The following CCNJ variants were observed in gnomAD, a reference collection of about 807,000 sequenced individuals.
CCNJ encodes the protein cyclin-J.
In CCNJ, 12 loss-of-function variants were observed where a neutral mutation model predicts 41.4. The observed-to-expected ratio is 0.29, with a 90% confidence interval of 0.19 to 0.47. The LOEUF (loss-of-function observed/expected upper bound fraction) is 0.47. CCNJ is among the 20% of genes least tolerant of loss of function. CCNJ has a pLI of 1.00. For synonymous variants in CCNJ, 161 were observed against 173.4 expected (o/e 0.93, Z 0.56); for missense variants, 340 against 464.6 (o/e 0.73, Z 2.47).
At chr10:96,054,594 A>G (rs1378947788) in intron 3 of CCNJ, among the ~76,000 whole-genome samples, 2 of 152,214 alleles carry the variant, frequency 1.3e-5, no homozygotes, top group African/African-American at 4.8e-5. Flanking sequence ...ATGCTTAATA[A>G]TACAGAAATC....
At chr10:96,057,533 T>TCC (rs2080726061) in intron 5 of CCNJ, among the ~76,000 whole-genome samples, 1 of 152,180 alleles carries the variant, frequency 6.6e-6, no homozygotes, top group African/African-American at 2.4e-5. Context: ...CCTAACATCA[T>TCC]TGAATTTTGG....
intron 3 of CCNJ, among the ~76,000 whole-genome samples, chr10:96,051,672 T>C (rs1389197505): frequency 6.6e-6 from 1 of 152,208 alleles, no homozygotes; most frequent in Non-Finnish European, 1.5e-5. Flanking sequence ...CAGAGTTCTT[T>C]AGCACTTCTG....
At chr10:96,049,968 G>C (rs2080477633) in intron 2 of CCNJ, among the ~76,000 whole-genome samples, 2 of 152,136 alleles carry the variant, frequency 1.3e-5, no homozygotes, top group Admixed American at 6.5e-5. Context: ...AGGGAAAACA[G>C]GATTCTCTTA....
At chr10:96,056,505 GGATTGGGGAAA>G (rs1399311208) in intron 3 of CCNJ, among the ~76,000 whole-genome samples, 185 bp from the exon 4 acceptor site, 1 of 151,872 alleles carries the variant, frequency 6.6e-6, no homozygotes, top group Non-Finnish European at 1.5e-5. Context: ...TTTTTTTAGG[GGATTGGGGAAA>G]GGTTGGGGAT....
intron 2 of CCNJ, among the ~76,000 whole-genome samples, chr10:96,047,464 A>G (rs2080395791): frequency 6.6e-6 from 1 of 152,168 alleles, no homozygotes; most frequent in East Asian, 1.9e-4. Context: ...CCTGGGCAAC[A>G]TAGCGAGACC....
At chr10:96,053,990 C>T (rs560090769) in intron 3 of CCNJ, among the ~76,000 whole-genome samples, 24 of 152,268 alleles carry the variant, frequency 1.6e-4, no homozygotes, top group African/African-American at 5.8e-4. Context: ...TGGCAGAGCA[C>T]TCGGTGACAT....
rs548322746 is a variant in CCNJ at position 96,060,209 on chromosome 10, T to C, written c.*1968T>C. ...AACCTGGAGTCCAATTTTCAGTATTTTAACTACCTCAATAATGCTATGAAT... is the reference window on the plus strand; with the variant it reads ...AACCTGGAGTCCAATTTTCAGTATTCTAACTACCTCAATAATGCTATGAAT... On this transcript the variant is annotated 3_prime_UTR_variant, in exon 6 of 6. Transcript: ENST00000465148. 1.3e-5 allele frequency: 2 copies of C among 152,650 alleles called. No homozygotes were observed. The highest frequency in any genetic ancestry group is 2.9e-5 in the Non-Finnish European group (2 of 68,042). The allele number at this position is 152,650 out of a possible 1,614,324, so 9.5% of individuals were successfully genotyped here. A position where few individuals can be genotyped will look rare whatever the true frequency, so the allele number is the denominator to read the frequency against.
In CCNJ at chr10:96,060,194, C is replaced by T. The variant is rs1224984609; in HGVS notation, c.*1953C>T. On this transcript the variant is annotated 3_prime_UTR_variant, in exon 6 of 6. Coordinates refer to ENST00000465148, the MANE Select transcript of CCNJ (RefSeq NM_001134375.2). The stretch of plus-strand genomic sequence containing the variant: ...CATTCAGAACCCAGCAACCTGGAGT[C>T]CAATTTTCAGTATTTTAACTACCTC... 2 of 152,512 alleles carry T rather than the reference C, an allele frequency of 1.3e-5. No individual in the cohort carries two copies. Among genetic ancestry groups the T allele is most frequent in the African/African-American group, 4.8e-5 (2 of 41,408 alleles). The allele number at this position is 152,512 out of a possible 1,614,324, so 9.4% of individuals were successfully genotyped here.
At chr10:96,043,092 C>CG (rs920863027), upstream of CCNJ, among the ~76,000 whole-genome samples, 1 of 152,146 alleles carries the variant, frequency 6.6e-6, no homozygotes, top group South Asian at 2.1e-4. Flanking sequence ...TGATGATCCA[C>CG]GGAGCAGCCC....
intron 3 of CCNJ, 120 bp downstream of exon 3, chr10:96,050,586 G>GA: frequency 5.5e-6 from 4 of 728,490 alleles, no homozygotes; most frequent in Non-Finnish European, 9.0e-6. Flanking sequence ...CTAGTATCAA[G>GA]AAGCTTATGT....
rs773801258 is a variant in CCNJ at position 96,050,350 on chromosome 10, C to T, written c.164C>T (p.Thr55Ile). ...ATTGCCATTGTGAGCAATCGCTTCA[C>T]ACTCTGCCCTTCTGCCCGCCATCTT... Reference protein sequence around the residue: ...DLIAIVSNRFTLCPSARHLAV... With the variant: ...DLIAIVSNRFILCPSARHLAV... The change falls in exon 3 of 6, where the codon ACA (threonine) becomes ATA (isoleucine). Residue 55 changes from threonine to isoleucine, a missense_variant. Thr to Ile is a moderately conservative substitution (Grantham distance 89). Coordinates refer to ENST00000465148, the MANE Select transcript of CCNJ (RefSeq NM_001134375.2). 8.7e-6 allele frequency: 14 copies of T among 1,614,028 alleles called. No individual in the cohort carries two copies. The South Asian group carries it at 1.5e-4, about 18-fold the overall frequency.
chr10:96,057,192 C>A lies in CCNJ; in HGVS notation c.685C>A (p.Arg229Ser), dbSNP rs201944303. The A allele has an allele frequency of 5.6e-6, 9 of 1,613,578 alleles. No homozygotes were observed. In the South Asian group the frequency reaches 9.9e-5, roughly 18 times the overall value. The change falls in exon 5 of 6, where the codon CGT becomes AGT. Residue 229 changes from arginine to serine, a missense_variant. Arg to Ser is a moderately radical substitution (Grantham distance 110, BLOSUM62 -1). Coordinates refer to ENST00000465148, the MANE Select transcript of CCNJ (RefSeq NM_001134375.2). ...LSPTWPTRLHRLTAYSWDFLV... is the reference protein window; with the variant it reads ...LSPTWPTRLHSLTAYSWDFLV... ...TCCAACGTGGCCTACAAGACTACAT[C>A]GTCTTACTGCCTACTCTTGGGATTT...
chr10:96,043,452 C>A, upstream of CCNJ: 2 of 382,462 alleles, frequency 5.2e-6, no homozygotes, highest in Non-Finnish European at 9.3e-6. Flanking sequence ...TGGCGCTGCA[C>A]CTGGGCCCGG....
chr10:96,050,125 G>A (rs2080482213), intron 2 of CCNJ, 131 bp from the exon 3 acceptor site: 1 of 691,232 alleles, frequency 1.4e-6, no homozygotes, highest in African/African-American at 1.8e-5. Context: ...TTTCATTTTT[G>A]TATTCCAGTC....
rs908752726 is a variant in CCNJ, at chr10:96,060,372, T to C, written c.*2131T>C. The C allele has an allele frequency of 1.2e-4, 19 of 152,634 alleles. No individual in the cohort carries two copies. Among genetic ancestry groups the C allele is most frequent in the African/African-American group, 4.6e-4 (19 of 41,444 alleles). 9.5% of individuals were successfully genotyped at this position (152,634 alleles called of 1,614,324 possible). On this transcript the variant is annotated 3_prime_UTR_variant, in exon 6 of 6. Coordinates refer to ENST00000465148, the MANE Select transcript of CCNJ (RefSeq NM_001134375.2). ...AGAATATGCCTTTTAAAAAAGCTTATTAATAACACTTTCCCAATTTATATT... is the reference window on the plus strand; with the variant it reads ...AGAATATGCCTTTTAAAAAAGCTTACTAATAACACTTTCCCAATTTATATT...
intron 3 of CCNJ, among the ~76,000 whole-genome samples, chr10:96,055,808 C>T (rs1257809829): frequency 6.6e-6 from 1 of 151,952 alleles, no homozygotes; most frequent in Non-Finnish European, 1.5e-5. Flanking sequence ...CCCCTTTTTT[C>T]TTTAACAGAC....
chr10:96,048,321 AAG>A (rs1291258942), intron 2 of CCNJ, among the ~76,000 whole-genome samples: 1 of 152,178 alleles, frequency 6.6e-6, no homozygotes, highest in East Asian at 1.9e-4. Context: ...TGCTAGGTAA[AAG>A]GGTATTTCTG....
intron 3 of CCNJ, among the ~76,000 whole-genome samples, chr10:96,053,277 A>G (rs1257132639): frequency 1.3e-5 from 2 of 151,856 alleles, no homozygotes; most frequent in African/African-American, 2.4e-5. Flanking sequence ...AGCAATATGA[A>G]TTTCAACAAC....
rs2080790656 is a variant in CCNJ at position 96,060,375 on chromosome 10, A to G, written c.*2134A>G. Reference sequence around the variant, plus strand: ...ATATGCCTTTTAAAAAAGCTTATTAATAACACTTTCCCAATTTATATTTTA... The same window carrying G: ...ATATGCCTTTTAAAAAAGCTTATTAGTAACACTTTCCCAATTTATATTTTA... On this transcript the variant is annotated 3_prime_UTR_variant, in exon 6 of 6. Coordinates refer to ENST00000465148, the MANE Select transcript of CCNJ (RefSeq NM_001134375.2). 1 of 152,658 alleles carries G rather than the reference A, an allele frequency of 6.6e-6. No homozygotes were observed. The highest frequency in any genetic ancestry group is 1.5e-5 in the Non-Finnish European group (1 of 68,038). 9.5% of individuals were successfully genotyped at this position (152,658 alleles called of 1,614,324 possible).
Sources: gnomAD v4.1 joint callset for allele counts (sites outside exome capture counted in the v4.1 genomes callset) on GRCh38, gnomAD v4.1.1 for gene constraint, MANE v1.5 for transcripts, NCBI Gene and HGNC (gene_info 2026-07-23, HGNC 2026-07-21) for gene names.